Variants in MROH2B observed in about 807,000 individuals in gnomAD.
MROH2B encodes the protein maestro heat-like repeat-containing protein family member 2B.
MROH2B carries 177 observed loss-of-function variants against 208.6 expected under a neutral mutation model. That is an observed-to-expected ratio of 0.85 (90% CI 0.75 to 0.96). The LOEUF (loss-of-function observed/expected upper bound fraction) is 0.96, where lower values mean the gene tolerates loss of function less well. Among genes scored for constraint, MROH2B ranks in the 40% least tolerant of loss-of-function variants. MROH2B has a pLI of 0.00. For missense variants in MROH2B, 2,002 were observed against 1,878.7 expected (o/e 1.07, Z -1.21); for synonymous variants, 728 against 659.0 (o/e 1.10, Z -1.60).
Position 41,026,986 on chromosome 5 carries a change from T to C in MROH2B, c.2441+5756A>G, listed in dbSNP as rs1318667412. Among the ~76,000 whole-genome samples, 7 of 152,338 alleles carry C rather than the reference T, an allele frequency of 4.6e-5. No individual in the cohort carries two copies. In the East Asian group the frequency reaches 9.6e-4, roughly 21 times the overall value. ...ATGTTGGGAAAACTGGCTAGCCATA[T>C]GTAGAAAGCTGAAACTGGATCCCTT... On this transcript the variant is annotated intron_variant, in intron 24 of 41. Transcript: ENST00000399564.
intron 22 of MROH2B, among the ~76,000 whole-genome samples, chr5:41,033,561 T>C (rs1561291427): frequency 6.6e-6 from 1 of 152,136 alleles, no homozygotes; most frequent in African/African-American, 2.4e-5. Context: ...ATTAAATTGA[T>C]TTCATAGTCA....
chr5:41,070,817 A>C lies in MROH2B; in HGVS notation c.28+8T>G, dbSNP rs948248046. On this transcript the variant is annotated splice_region_variant and intron_variant, in intron 1 of 41. Transcript: ENST00000399564. ...AGCCTTGGCTTCTCAGGATCTGATG[A>C]TGCTTACCTATGGATTCCTCTGTAC... 1.2e-6 allele frequency: 2 copies of C among 1,610,138 alleles called. No homozygotes were observed. Among genetic ancestry groups the C allele is most frequent in the African/African-American group, 2.7e-5 (2 of 74,964 alleles).
chr5:41,049,040 G>C, intron 15 of MROH2B, 61 bp downstream of exon 15: 1 of 1,486,590 alleles, frequency 6.7e-7, no homozygotes, highest in East Asian at 2.4e-5. Context: ...CACTTATTTG[G>C]AACTGAACTA....
chr5:41,031,282 C>T (rs1244484805), intron 24 of MROH2B, among the ~76,000 whole-genome samples: 1 of 152,044 alleles, frequency 6.6e-6, no homozygotes, highest in Non-Finnish European at 1.5e-5. Context: ...GAGGAACAGC[C>T]AAACACTTAT....
intron 20 of MROH2B, 83 bp downstream of exon 20, chr5:41,039,365 A>C: frequency 1.3e-6 from 1 of 792,816 alleles, no homozygotes; most frequent in Non-Finnish European, 2.0e-6. Context: ...AGTAAGTATA[A>C]TATAAGAAAG....
chr5:41,028,709 C>A (rs1052767109), intron 24 of MROH2B, among the ~76,000 whole-genome samples: 11 of 152,138 alleles, frequency 7.2e-5, no homozygotes, highest in Non-Finnish European at 1.6e-4. Context: ...TCCATTCATT[C>A]ATTGACAGAC....
At chr5:41,019,127 A>T (rs896118) in intron 24 of MROH2B, 109 bp from the exon 25 acceptor site, 627,409 of 1,345,256 alleles carry the variant, frequency 0.47, 147,256 homozygotes, top group African/African-American at 0.52. Flanking sequence ...CTAACGTGTC[A>T]CATTTTCTGA....
At chr5:41,040,831 A>C (rs1742924021) in intron 19 of MROH2B, among the ~76,000 whole-genome samples, 1 of 151,788 alleles carries the variant, frequency 6.6e-6, no homozygotes, top group South Asian at 2.1e-4. Flanking sequence ...ACACCCGACT[A>C]ATTTTTTGTA....
intron 9 of MROH2B, 45 bp downstream of exon 9, chr5:41,057,063 CA>C: frequency 6.3e-7 from 1 of 1,582,574 alleles, no homozygotes; most frequent in Admixed American, 1.7e-5. Flanking sequence ...TCATCATCAT[CA>C]CTTGGGGACA....
chr5:41,023,953 A>G (rs1742254305), intron 24 of MROH2B, among the ~76,000 whole-genome samples: 1 of 152,210 alleles, frequency 6.6e-6, no homozygotes, highest in African/African-American at 2.4e-5. Context: ...AATAAAGGAG[A>G]AATAAAATCC....
Position 41,004,402 on chromosome 5 carries a change from C to T in MROH2B, c.4138G>A (p.Asp1380Asn). Residue 1380 changes from aspartate (D) to asparagine (N), a missense_variant, in exon 37 of 42, where the codon GAC (aspartate) becomes AAC (asparagine). Physicochemically the swap from Asp to Asn is conservative, Grantham distance 23. Transcript: ENST00000399564. Reference sequence around the variant, plus strand: ...ATTTCCTTGAAGTAGAAGCTCACGTCTCGGTCTGTCAGCAGCTCCAGGATT... The same window carrying T: ...ATTTCCTTGAAGTAGAAGCTCACGTTTCGGTCTGTCAGCAGCTCCAGGATT... Reference protein sequence around the residue: ...KKILELLTDRDVSFYFKEIVL... With the variant: ...KKILELLTDRNVSFYFKEIVL... The T allele has an allele frequency of 6.2e-7, 1 of 1,614,006 alleles. No homozygotes were observed. Among genetic ancestry groups the T allele is most frequent in the South Asian group, 1.1e-5 (1 of 91,084 alleles).
At chr5:41,057,563 C>CTTTTGTTTTTTTTTTTTTTTTTTTTTT (rs1743498572) in intron 7 of MROH2B, among the ~76,000 whole-genome samples, 1 of 73,252 alleles carries the variant, frequency 1.4e-5, no homozygotes. Flanking sequence ...AATATCCCTC[C>CTTTTGTTTTTTTTTTTTTTTTTTTTTT]TTTTTTTTTT....
In MROH2B at chr5:41,044,200, A is replaced by C. The variant is rs187843183; in HGVS notation, c.1836+1546T>G. The stretch of plus-strand genomic sequence containing the variant: ...GGGAGGCAGAGGTTGCAGTGGTCCG[A>C]GATCGTGCCACCGCACTCCAGCCTG... On this transcript the variant is annotated intron_variant, in intron 18 of 41. Coordinates refer to ENST00000399564, the MANE Select transcript of MROH2B (RefSeq NM_173489.5). 4.9e-3 allele frequency among the ~76,000 whole-genome samples: 740 copies of C among 151,190 alleles called. 2 individuals carry two copies. The highest frequency in any genetic ancestry group is 0.017 in the Middle Eastern group (5 of 294).
At position 41,018,332 on chromosome 5, in the gene MROH2B, A is replaced by T; in HGVS notation, c.2763+9T>A. On this transcript the variant is annotated intron_variant, in intron 27 of 41. Transcript: ENST00000399564. ...CAATAAAGTCTATTCATTCTAGGGGATTACTTACCTCAATATCATTTGTCA... is the reference window on the plus strand; with the variant it reads ...CAATAAAGTCTATTCATTCTAGGGGTTTACTTACCTCAATATCATTTGTCA... 1 of 1,609,496 alleles carries T rather than the reference A, an allele frequency of 6.2e-7. No homozygotes were observed. The highest frequency in any genetic ancestry group is 8.5e-7 in the Non-Finnish European group (1 of 1,177,514).
chr5:41,019,072 C>T lies in MROH2B; in HGVS notation c.2442-54G>A, dbSNP rs368874804. On this transcript the variant is annotated intron_variant, in intron 24 of 41. Transcript: ENST00000399564. ...ATATTACAGTGACCATCAGAACATA[C>T]CCAGTGGAATTCCCAAGAACTGCCA... The T allele has an allele frequency of 1.5e-5, 24 of 1,601,318 alleles. No homozygotes were observed. The African/African-American group carries it at 2.9e-4, about 20-fold the overall frequency.
Position 41,009,989 on chromosome 5 carries a change from G to A in MROH2B, c.3226C>T (p.Gln1076Ter). The change falls in exon 31 of 42, where the codon CAG (glutamine) becomes TAG (stop). Residue 1076 changes from glutamine (Q) to a stop codon, truncating the protein, a stop_gained. Transcript: ENST00000399564. LOFTEE classifies it high-confidence loss of function. Reference sequence around the variant, plus strand: ...GTATCCATGTGAAAGCTGGCTATCTGGGAGATGGCTTCTAGAATGAACTGA... The same window carrying A: ...GTATCCATGTGAAAGCTGGCTATCTAGGAGATGGCTTCTAGAATGAACTGA... ...SFQFILEAIS[Q>*]IASFHMDTVV... is the part of the protein sequence containing the mutation. 6.2e-7 allele frequency: 1 copy of A among 1,613,822 alleles called. No individual in the cohort carries two copies. The highest frequency in any genetic ancestry group is 8.5e-7 in the Non-Finnish European group (1 of 1,179,808).
At position 41,032,742 on chromosome 5, in the gene MROH2B, C is replaced by T. The variant is rs749268784; in HGVS notation, c.2441G>A (p.Ser814Asn). The change falls in exon 24 of 42, where the codon AGT (serine) becomes AAT (asparagine). Residue 814 changes from serine to asparagine, a missense_variant and splice_region_variant. Coordinates refer to ENST00000399564, the MANE Select transcript of MROH2B (RefSeq NM_173489.5). Reference protein sequence around the residue: ...WKALIAIRYLSKLKPQLSLQD... With the variant: ...WKALIAIRYLNKLKPQLSLQD... ...ATGAAAACAACTAAAAATTATCTACCTGAGATACCTAATGGCGATTAAGGC... is the reference window on the plus strand; with the variant it reads ...ATGAAAACAACTAAAAATTATCTACTTGAGATACCTAATGGCGATTAAGGC... 38 of 1,611,092 alleles carry T rather than the reference C, an allele frequency of 2.4e-5. No individual in the cohort carries two copies. In the Admixed American group the frequency reaches 6.0e-4, roughly 26 times the overall value.
At chr5:41,062,027 CT>C (rs1401226774) in intron 5 of MROH2B, among the ~76,000 whole-genome samples, 1 of 148,918 alleles carries the variant, frequency 6.7e-6, no homozygotes, top group Non-Finnish European at 1.5e-5. Context: ...GGTTCAAGCA[CT>C]TTGCAGAACT....
At position 41,065,367 on chromosome 5, in the gene MROH2B, C is replaced by T. The variant is rs752804955; in HGVS notation, c.325G>A (p.Val109Ile). 14 of 1,613,062 alleles carry T rather than the reference C, an allele frequency of 8.7e-6. No individual in the cohort carries two copies. Among genetic ancestry groups the T allele is most frequent in the Admixed American group, 3.3e-5 (2 of 59,914 alleles). ...GCCAATTCAGCCAGGGCAAGCACAA[C>T]GAATTCATCTGGTAGCTCTAAGATC... The part of the protein sequence containing the change: ...FRILELPDEF[V>I]VLALAELATS... The change falls in exon 4 of 42, where the codon GTT becomes ATT. Residue 109 changes from valine to isoleucine, a missense_variant. Physicochemically the swap from Val to Ile is conservative, Grantham distance 29. Coordinates refer to ENST00000399564, the MANE Select transcript of MROH2B (RefSeq NM_173489.5).
Sources: allele counts gnomAD v4.1 joint callset (sites outside exome capture counted in the v4.1 genomes callset), GRCh38; gene constraint gnomAD v4.1.1; transcripts MANE v1.5; gene names NCBI Gene and HGNC (gene_info 2026-07-23, HGNC 2026-07-21).